The following ENOX1 variants were observed in gnomAD, a reference collection of about 807,000 sequenced individuals.
ENOX1 encodes candidate growth-related and time keeping constitutive hydroquinone (NADH) oxidase.
ENOX1 carries 42 observed loss-of-function variants against 82.5 expected under a neutral mutation model. The ratio of observed to expected loss-of-function variants is 0.51; its 90% confidence interval spans 0.40 to 0.66. ENOX1 has a LOEUF of 0.66. ENOX1 is among the 30% of genes least tolerant of loss of function. ENOX1 has a pLI of 0.00. For synonymous variants in ENOX1, 271 were observed against 282.2 expected (o/e 0.96, Z 0.40); for missense variants, 608 against 811.6 (o/e 0.75, Z 3.05).
chr13:43,284,651 C>A (rs1361021703), intron 12 of ENOX1, among the ~76,000 whole-genome samples: 1 of 152,096 alleles, frequency 6.6e-6, no homozygotes, highest in Admixed American at 6.6e-5. Context: ...CTGTGTTGGT[C>A]TTTCATTTAT....
intron 1 of ENOX1, among the ~76,000 whole-genome samples, chr13:43,678,367 C>T (rs1030986932): frequency 2.0e-5 from 3 of 152,082 alleles, no homozygotes; most frequent in Non-Finnish European, 2.9e-5. Context: ...ATTTTTGTCA[C>T]GTCTTTATTA....
chr13:43,595,857 AATTG>A (rs1389052928), intron 2 of ENOX1, among the ~76,000 whole-genome samples: 2 of 152,228 alleles, frequency 1.3e-5, no homozygotes, highest in African/African-American at 4.8e-5. Flanking sequence ...CATTAGCCTG[AATTG>A]GTACCCAAGT....
intron 3 of ENOX1, chr13:43,458,960 C>T (rs991698687): frequency 1.2e-4 from 18 of 152,132 alleles, no homozygotes; most frequent in Non-Finnish European, 2.5e-4. Context: ...TTGGAAAAGA[C>T]TGGATGAGTT....
intron 2 of ENOX1, among the ~76,000 whole-genome samples, chr13:43,505,512 T>A (rs183200163): frequency 7.2e-5 from 11 of 151,998 alleles, no homozygotes; most frequent in Non-Finnish European, 1.5e-4. Flanking sequence ...TTGAAGAAAG[T>A]TGGAAAGATA....
chr13:43,350,861 G>T (rs1998612), intron 8 of ENOX1, among the ~76,000 whole-genome samples: 47,335 of 152,026 alleles, frequency 0.31, 7,601 homozygotes, highest in East Asian at 0.4. Context: ...GTGGGCTATA[G>T]TATCCTTATT....
intron 14 of ENOX1, among the ~76,000 whole-genome samples, chr13:43,248,018 T>A (rs2153466737): frequency 6.9e-6 from 1 of 145,124 alleles, no homozygotes; most frequent in East Asian, 2.1e-4. Context: ...CCCAAGTACC[T>A]GGGACTACAG....
chr13:43,590,155 A>T (rs554541537), intron 2 of ENOX1, among the ~76,000 whole-genome samples: 2 of 152,286 alleles, frequency 1.3e-5, no homozygotes, highest in Non-Finnish European at 2.9e-5. Context: ...AGACAAAAAA[A>T]TAACAAAACA....
intron 2 of ENOX1, among the ~76,000 whole-genome samples, chr13:43,534,840 C>T (rs902523694): frequency 1.3e-5 from 2 of 152,152 alleles, no homozygotes; most frequent in South Asian, 4.1e-4. Context: ...ATGCTCAGGA[C>T]AGACCCCAAA....
intron 1 of ENOX1, among the ~76,000 whole-genome samples, chr13:43,735,663 G>A (rs1340610499): frequency 2.0e-5 from 3 of 152,134 alleles, no homozygotes; most frequent in Non-Finnish European, 4.4e-5. Flanking sequence ...GGAGATTGCA[G>A]TGAGCTGAGA....
intron 16 of ENOX1, among the ~76,000 whole-genome samples, chr13:43,223,592 G>C (rs1042716838): frequency 6.6e-6 from 1 of 152,112 alleles, no homozygotes; most frequent in South Asian, 2.1e-4. Context: ...AGAGAACAAC[G>C]CTGGAAAACA....
intron 1 of ENOX1, among the ~76,000 whole-genome samples, chr13:43,772,676 AAGGCAGAGGTTGC>A (rs1951702703): frequency 6.7e-6 from 1 of 150,340 alleles, no homozygotes; most frequent in Non-Finnish European, 1.5e-5. Flanking sequence ...ATGAACCCAG[AAGGCAGAGGTTGC>A]AGTGAGCTGA....
intron 8 of ENOX1, among the ~76,000 whole-genome samples, chr13:43,348,031 C>T (rs560027786): frequency 2.6e-5 from 4 of 152,298 alleles, no homozygotes; most frequent in South Asian, 2.1e-4. Context: ...CGTCCGTCCC[C>T]GCTTCCTTTG....
At chr13:43,656,324 G>C (rs1024939734) in intron 2 of ENOX1, among the ~76,000 whole-genome samples, 1 of 152,162 alleles carries the variant, frequency 6.6e-6, no homozygotes, top group African/African-American at 2.4e-5. Flanking sequence ...CAGAAAGAAT[G>C]CCAGTGTTTT....
intron 2 of ENOX1, among the ~76,000 whole-genome samples, chr13:43,538,443 TA>T (rs1260364434): frequency 6.6e-6 from 1 of 152,190 alleles, no homozygotes; most frequent in African/African-American, 2.4e-5. Context: ...GCTTTTATAC[TA>T]AAAATTACTG....
At chr13:43,470,387 C>CACATATATGT (rs1566308507) in intron 3 of ENOX1, among the ~76,000 whole-genome samples, 3 of 51,504 alleles carry the variant, frequency 5.8e-5, no homozygotes, top group Non-Finnish European at 8.3e-5. Context: ...CATATATATA[C>CACATATATGT]GTATATATAT....
chr13:43,318,776 T>C (rs916798533), intron 11 of ENOX1, among the ~76,000 whole-genome samples: 1 of 152,242 alleles, frequency 6.6e-6, no homozygotes, highest in African/African-American at 2.4e-5. Context: ...TTAACATTTA[T>C]TGAGTACTTA....
rs975059825 is a variant in ENOX1 at position 43,359,011 on chromosome 13, A to G, written c.589+840T>C. ...AGTTTGCACAGAATTTCGTGGCAAT[A>G]GAGGTGGACTGCAGAAATTAAGTAA... On this transcript the variant is annotated intron_variant, in intron 7 of 16. Coordinates refer to ENST00000690772, the MANE Select transcript of ENOX1 (RefSeq NM_001347969.2). Among the ~76,000 whole-genome samples, 14 of 152,354 alleles carry G rather than the reference A, an allele frequency of 9.2e-5. No individual in the cohort carries two copies. In the East Asian group the frequency reaches 1.2e-3, roughly 13 times the overall value.
intron 12 of ENOX1, among the ~76,000 whole-genome samples, chr13:43,270,248 G>T (rs1020911820): frequency 6.6e-6 from 1 of 152,132 alleles, no homozygotes; most frequent in South Asian, 2.1e-4. Context: ...AAAGCACAGC[G>T]CTGCGCAGTG....
At chr13:43,496,086 T>G (rs1244176881) in intron 2 of ENOX1, among the ~76,000 whole-genome samples, 1 of 152,156 alleles carries the variant, frequency 6.6e-6, no homozygotes, top group Non-Finnish European at 1.5e-5. Context: ...ACATATGTAT[T>G]GCAAACTATT....
Sources: allele counts gnomAD v4.1 joint callset (sites outside exome capture counted in the v4.1 genomes callset), GRCh38; gene constraint gnomAD v4.1.1; transcripts MANE v1.5; gene names NCBI Gene and HGNC (gene_info 2026-07-23, HGNC 2026-07-21).